The following EPHA5 variants were observed in gnomAD, a reference collection of about 807,000 sequenced individuals.
EPHA5 encodes ephrin type-A receptor 5.
EPHA5 carries 60 observed loss-of-function variants against 105.0 expected under a neutral mutation model. The observed-to-expected ratio is 0.57, with a 90% confidence interval of 0.46 to 0.71. EPHA5 has a LOEUF of 0.71. Ranked by LOEUF, EPHA5 falls within the 30% of genes least tolerant of loss-of-function variation. The pLI is 0.00. For synonymous variants in EPHA5, 513 were observed against 449.1 expected, an observed-to-expected ratio of 1.14 and a Z score of -1.80; for missense variants, 1,218 against 1,274.7, an observed-to-expected ratio of 0.96 and a Z score of 0.68.
intron 13 of EPHA5, among the ~76,000 whole-genome samples, chr4:65,348,671 T>G (rs1243852162): frequency 0.046 from 2,627 of 56,802 alleles, 84 homozygotes; most frequent in Non-Finnish European, 0.07. Flanking sequence ...TATATATATA[T>G]ATATATATAT....
intron 15 of EPHA5, 99 bp from the exon 16 acceptor site, chr4:65,332,227 T>C: frequency 1.0e-6 from 1 of 964,070 alleles, no homozygotes; most frequent in Non-Finnish European, 1.5e-6. Context: ...TCTTTGAGTC[T>C]GTAAGTATAT....
chr4:65,471,440 C>A (rs896940188), intron 5 of EPHA5, among the ~76,000 whole-genome samples: 3 of 152,096 alleles, frequency 2.0e-5, no homozygotes, highest in Admixed American at 6.5e-5. Context: ...ATTTTTATGT[C>A]AACTTTTATT....
intron 2 of EPHA5, among the ~76,000 whole-genome samples, chr4:65,620,333 T>C (rs1182374240): frequency 6.6e-6 from 1 of 152,098 alleles, no homozygotes; most frequent in Admixed American, 6.6e-5. Context: ...TCCTGGCTCT[T>C]GACTTCTTGC....
At chr4:65,511,534 A>G (rs1733627191) in intron 3 of EPHA5, among the ~76,000 whole-genome samples, 1 of 152,172 alleles carries the variant, frequency 6.6e-6, no homozygotes, top group African/African-American at 2.4e-5. Context: ...TATACTGTAA[A>G]ATACAGTGCA....
chr4:65,397,967 C>T (rs1312080503), intron 8 of EPHA5, among the ~76,000 whole-genome samples: 4 of 152,194 alleles, frequency 2.6e-5, no homozygotes, highest in Non-Finnish European at 4.4e-5. Flanking sequence ...GTGGAGGAGG[C>T]ATGGCCTGGG....
chr4:65,412,403 T>A (rs1722994933), intron 7 of EPHA5, among the ~76,000 whole-genome samples: 1 of 152,178 alleles, frequency 6.6e-6, no homozygotes, highest in Non-Finnish European at 1.5e-5. Flanking sequence ...AGGTGTTCAA[T>A]AAACTATTGT....
At chr4:65,443,250 C>A (rs990817676) in intron 5 of EPHA5, among the ~76,000 whole-genome samples, 2 of 151,952 alleles carry the variant, frequency 1.3e-5, no homozygotes, top group East Asian at 1.9e-4. Flanking sequence ...CCATATATAA[C>A]TTTTCCCTAT....
At chr4:65,498,657 G>A (rs566458739) in intron 3 of EPHA5, among the ~76,000 whole-genome samples, 24 of 151,856 alleles carry the variant, frequency 1.6e-4, no homozygotes, top group Non-Finnish European at 2.8e-4. Flanking sequence ...GTGGAAAATC[G>A]TAAGAGTGAC....
In EPHA5 at chr4:65,652,263, T is replaced by C. The variant is rs558771580; in HGVS notation, c.182-8836A>G. Among the ~76,000 whole-genome samples, 195 of 152,278 alleles carry C rather than the reference T, an allele frequency of 1.3e-3. 1 individual carries two copies. Among genetic ancestry groups the C allele is most frequent in the Non-Finnish European group, 1.8e-3 (122 of 67,988 alleles). ...CACAATTCACTTTGGGAATGCTTCA[T>C]TGCATAGAGAATACTCATTAGTTCT... On this transcript the variant is annotated intron_variant, in intron 1 of 16. Coordinates refer to ENST00000613740, the MANE Select transcript of EPHA5 (RefSeq NM_001281766.3).
chr4:65,652,172 T>G (rs1748669457), intron 1 of EPHA5, among the ~76,000 whole-genome samples: 1 of 152,278 alleles, frequency 6.6e-6, no homozygotes, highest in Admixed American at 6.5e-5. Context: ...ATAGATAATA[T>G]GAGGCTGTTT....
Position 65,332,064 on chromosome 4 carries a change from A to G in EPHA5, c.2854T>C (p.Trp952Arg). Residue 952 changes from tryptophan (W) to arginine (R), a missense_variant, in exon 16 of 17, where the codon TGG (tryptophan) becomes CGG (arginine). By Grantham distance (101) the Trp-to-Arg change is moderately radical. Transcript: ENST00000613740. ...GSGAYRSVGEWLEAIKMGRYT... is the reference protein window; with the variant it reads ...GSGAYRSVGERLEAIKMGRYT... ...CGGCCCATCTTGATTGCCTCTAGCC[A>G]TTCACCTACTGATCTGTAGGCCCCA... is the stretch of plus-strand genomic sequence containing the variant. 1.9e-6 allele frequency: 3 copies of G among 1,611,784 alleles called. No homozygotes were observed. Among genetic ancestry groups the G allele is most frequent in the Non-Finnish European group, 2.5e-6 (3 of 1,178,590 alleles).
In EPHA5 at chr4:65,465,562, AGG is replaced by A. The variant is rs1159469887; in HGVS notation, c.1402+24813_1402+24814del. 1.4e-3 allele frequency among the ~76,000 whole-genome samples: 211 copies of A among 149,320 alleles called. 3 individuals carry two copies. The highest frequency in any genetic ancestry group is 4.9e-3 in the African/African-American group (197 of 40,362). On this transcript the variant is annotated intron_variant, in intron 5 of 16. Coordinates refer to ENST00000613740, the MANE Select transcript of EPHA5 (RefSeq NM_001281766.3). ...GAAAGGAAGGAAAGGAAGGAAAGGA[AGG>A]AAAGGAAGGAAAGGAAGGAAAGGAA...
At chr4:65,659,530 G>GA (rs1267561542) in intron 1 of EPHA5, among the ~76,000 whole-genome samples, 1 of 151,688 alleles carries the variant, frequency 6.6e-6, no homozygotes, top group African/African-American at 2.4e-5. Context: ...TAATGAGAGG[G>GA]AAAAAATTAT....
chr4:65,483,222 A>C (rs375041626), intron 5 of EPHA5, among the ~76,000 whole-genome samples: 1 of 152,156 alleles, frequency 6.6e-6, no homozygotes, highest in African/African-American at 2.4e-5. Context: ...AGTATTCCAT[A>C]GTGTATATGT....
intron 3 of EPHA5, among the ~76,000 whole-genome samples, chr4:65,504,907 T>A (rs748963001): frequency 7.9e-5 from 12 of 151,996 alleles, no homozygotes; most frequent in Admixed American, 2.0e-4. Context: ...AGCACTAAGT[T>A]CTTTTAGATA....
chr4:65,346,518 G>T (rs1426799225), intron 14 of EPHA5, among the ~76,000 whole-genome samples: 1 of 151,604 alleles, frequency 6.6e-6, no homozygotes, highest in Non-Finnish European at 1.5e-5. Flanking sequence ...ATATATACAT[G>T]GTGTGAAGTT....
intron 5 of EPHA5, among the ~76,000 whole-genome samples, chr4:65,464,865 T>G (rs1208178411): frequency 6.6e-6 from 1 of 152,124 alleles, no homozygotes; most frequent in Admixed American, 6.5e-5. Context: ...TTACATTCAT[T>G]TATTTATTCA....
intron 3 of EPHA5, among the ~76,000 whole-genome samples, chr4:65,535,703 T>C (rs1736223583): frequency 6.6e-6 from 1 of 151,856 alleles, no homozygotes; most frequent in Admixed American, 6.6e-5. Flanking sequence ...GAGTTGAAGG[T>C]GATGAAAAAT....
rs2149436558 is a variant in EPHA5 at position 65,601,629 on chromosome 4, G to A, written c.910+12C>T. 1 of 1,608,380 alleles carries A rather than the reference G, an allele frequency of 6.2e-7. No homozygotes were observed. The highest frequency in any genetic ancestry group is 8.5e-7 in the Non-Finnish European group (1 of 1,175,894). On this transcript the variant is annotated intron_variant, in intron 3 of 16. Coordinates refer to ENST00000613740, the MANE Select transcript of EPHA5 (RefSeq NM_001281766.3). ...GCAGACAGCCCCTGCAGATCTGGAGGCAAACTCTTACCTTGACAGGTGCCA... is the reference window on the plus strand; with the variant it reads ...GCAGACAGCCCCTGCAGATCTGGAGACAAACTCTTACCTTGACAGGTGCCA...
Sources: allele counts gnomAD v4.1 joint callset (sites outside exome capture counted in the v4.1 genomes callset), GRCh38; gene constraint gnomAD v4.1.1; transcripts MANE v1.5; gene names NCBI Gene and HGNC (gene_info 2026-07-23, HGNC 2026-07-21).